Variants in GALNTL6 observed in about 807,000 individuals in gnomAD.
GALNTL6 encodes polypeptide N-acetylgalactosaminyltransferase-like 6.
In GALNTL6, 46 loss-of-function variants were observed where a neutral mutation model predicts 73.7. The observed-to-expected ratio is 0.62, with a 90% confidence interval of 0.49 to 0.80. The LOEUF (loss-of-function observed/expected upper bound fraction) is 0.80, where lower values mean the gene tolerates loss of function less well. Ranked by LOEUF, GALNTL6 falls within the 30% of genes least tolerant of loss-of-function variation. The probability of loss-of-function intolerance (pLI) is 0.00; values close to 1 mark genes in which losing one functional copy is unlikely to be tolerated. For synonymous variants in GALNTL6, 259 were observed against 263.7 expected (o/e 0.98, Z 0.17); for missense variants, 604 against 755.0 (o/e 0.80, Z 2.34).
At chr4:172,403,950 CCCAAAACTCATTACT>C (rs1207449281) in intron 5 of GALNTL6, among the ~76,000 whole-genome samples, 1 of 151,914 alleles carries the variant, frequency 6.6e-6, no homozygotes, top group Non-Finnish European at 1.5e-5. Context: ...CACAAAACTA[CCCAAAACTCATTACT>C]CCATTGAAAA....
At chr4:171,907,478 C>T (rs1272677697) in intron 2 of GALNTL6, among the ~76,000 whole-genome samples, 1 of 151,142 alleles carries the variant, frequency 6.6e-6, no homozygotes, top group African/African-American at 2.5e-5. Context: ...CAAACCACTG[C>T]TCAATGAAAC....
chr4:172,664,861 C>CT (rs1731575483), intron 5 of GALNTL6, among the ~76,000 whole-genome samples: 1 of 152,144 alleles, frequency 6.6e-6, no homozygotes, highest in African/African-American at 2.4e-5. Flanking sequence ...AAGCACTTCC[C>CT]TAGAACAGGG....
At chr4:172,776,817 C>A (rs907108547) in intron 5 of GALNTL6, among the ~76,000 whole-genome samples, 2 of 152,298 alleles carry the variant, frequency 1.3e-5, no homozygotes, top group East Asian at 3.9e-4. Context: ...ATGTGGACCA[C>A]CACTAGTAGT....
intron 5 of GALNTL6, among the ~76,000 whole-genome samples, chr4:172,476,987 C>T (rs899625486): frequency 1.4e-5 from 2 of 146,276 alleles, no homozygotes; most frequent in African/African-American, 5.1e-5. Context: ...TGCAGTGGCA[C>T]GATCTCGGCT....
In GALNTL6 at chr4:172,544,237, C is replaced by T. The variant is rs147309629; in HGVS notation, c.553+195548C>T. Among the ~76,000 whole-genome samples the T allele has an allele frequency of 3.4e-3, 522 of 152,158 alleles. 1 individual carries two copies. Among genetic ancestry groups the T allele is most frequent in the African/African-American group, 0.012 (482 of 41,524 alleles). The stretch of plus-strand genomic sequence containing the variant: ...TAGATCCATTTCCATGTCTCCTTGC[C>T]TCTTTCCCTTCCTGTCTTCTCTGGT... On this transcript the variant is annotated intron_variant, in intron 5 of 12. Transcript: ENST00000506823.
chr4:172,115,225 C>T (rs1454435522), intron 2 of GALNTL6, among the ~76,000 whole-genome samples: 5 of 152,002 alleles, frequency 3.3e-5, no homozygotes, highest in Non-Finnish European at 7.4e-5. Context: ...TATTTTCCCC[C>T]ATCAATTATA....
intron 7 of GALNTL6, among the ~76,000 whole-genome samples, chr4:172,863,376 G>T (rs1282671012): frequency 1.3e-5 from 2 of 152,166 alleles, no homozygotes; most frequent in Non-Finnish European, 2.9e-5. Flanking sequence ...CCAGGAAGGG[G>T]GCTGTACCCT....
At chr4:172,353,593 ACCTCATCCCCTTG>A (rs1742040653) in intron 5 of GALNTL6, among the ~76,000 whole-genome samples, 1 of 151,988 alleles carries the variant, frequency 6.6e-6, no homozygotes. Flanking sequence ...TTACTGTCAT[ACCTCATCCCCTTG>A]CCAATTTTCC....
At chr4:172,226,881 T>G (rs1228957108) in intron 2 of GALNTL6, among the ~76,000 whole-genome samples, 3 of 152,190 alleles carry the variant, frequency 2.0e-5, no homozygotes, top group Non-Finnish European at 2.9e-5. Context: ...ATGCTTCTTT[T>G]TAAAAATCTG....
intron 2 of GALNTL6, among the ~76,000 whole-genome samples, chr4:171,920,664 A>C (rs1737759342): frequency 6.6e-6 from 1 of 152,160 alleles, no homozygotes. Context: ...ATAAAAATAC[A>C]AACAAATAGA....
At chr4:172,430,333 C>T (rs1304511182) in intron 5 of GALNTL6, among the ~76,000 whole-genome samples, 1 of 151,894 alleles carries the variant, frequency 6.6e-6, no homozygotes. Context: ...TCCTTGACTA[C>T]AGTGAAATGA....
At chr4:172,871,592 G>GGA (rs1405505708) in intron 7 of GALNTL6, among the ~76,000 whole-genome samples, 1 of 128,436 alleles carries the variant, frequency 7.8e-6, no homozygotes, top group Non-Finnish European at 1.7e-5. Flanking sequence ...TGACTCTGGG[G>GGA]GGGGTGTGTG....
chr4:172,513,837 G>A (rs1734510734), intron 5 of GALNTL6, among the ~76,000 whole-genome samples: 1 of 152,182 alleles, frequency 6.6e-6, no homozygotes. Context: ...TGGACTCTGT[G>A]TGGGACCTTG....
intron 2 of GALNTL6, among the ~76,000 whole-genome samples, chr4:172,080,495 C>CA (rs929689370): frequency 6.6e-6 from 1 of 152,080 alleles, no homozygotes; most frequent in Non-Finnish European, 1.5e-5. Flanking sequence ...ACCAGGTTTA[C>CA]ATATATATGT....
chr4:172,104,902 G>C (rs1732634976), intron 2 of GALNTL6, among the ~76,000 whole-genome samples: 1 of 151,992 alleles, frequency 6.6e-6, no homozygotes, highest in African/African-American at 2.4e-5. Context: ...ACTGTTTCTG[G>C]GAATACCTCC....
chr4:172,994,158 A>G lies in GALNTL6; in HGVS notation c.1372-15020A>G, dbSNP rs1751669994. The stretch of plus-strand genomic sequence containing the variant: ...CATTCACATATTATCAGATTACTAC[A>G]ATAACTGTTGTATAAGATGGTGCCC... On this transcript the variant is annotated intron_variant, in intron 10 of 12. Coordinates refer to ENST00000506823, the MANE Select transcript of GALNTL6 (RefSeq NM_001034845.3). 2.0e-5 allele frequency among the ~76,000 whole-genome samples: 3 copies of G among 152,206 alleles called. No homozygotes were observed. The South Asian group carries it at 6.2e-4, about 31-fold the overall frequency.
intron 10 of GALNTL6, among the ~76,000 whole-genome samples, chr4:172,985,852 C>G (rs144863977): frequency 3.3e-5 from 5 of 152,282 alleles, no homozygotes; most frequent in African/African-American, 1.2e-4. Flanking sequence ...TAGTGGTTAT[C>G]TATAGGAGCA....
intron 2 of GALNTL6, among the ~76,000 whole-genome samples, chr4:172,182,307 C>T (rs866034983): frequency 1.7e-4 from 26 of 152,078 alleles, no homozygotes; most frequent in Middle Eastern, 3.4e-3. Flanking sequence ...GTCTTGGGAA[C>T]GACTGTATCA....
Position 171,905,508 on chromosome 4 carries a change from C to T in GALNTL6, c.138+90790C>T, listed in dbSNP as rs539885941. ...ATTCATAAAGCAAGTCCTGAGTGAC[C>T]TACAAAGAGACTTAGACTCCCACAC... On this transcript the variant is annotated intron_variant, in intron 2 of 12. Coordinates refer to ENST00000506823, the MANE Select transcript of GALNTL6 (RefSeq NM_001034845.3). Among the ~76,000 whole-genome samples, 3 of 150,292 alleles carry T rather than the reference C, an allele frequency of 2.0e-5. No individual in the cohort carries two copies. The East Asian group carries it at 5.8e-4, about 29-fold the overall frequency.
Sources: allele counts gnomAD v4.1 joint callset (sites outside exome capture counted in the v4.1 genomes callset), GRCh38; gene constraint gnomAD v4.1.1; transcripts MANE v1.5; gene names NCBI Gene and HGNC (gene_info 2026-07-23, HGNC 2026-07-21).